SCARB1: variants seen among roughly 807,000 people sequenced by gnomAD.
The protein encoded by SCARB1 is scavenger receptor class B member 1.
Under a neutral mutation model 57.2 loss-of-function variants are expected in SCARB1, and 30 were observed. The ratio of observed to expected loss-of-function variants is 0.52; its 90% CI spans 0.39 to 0.71. SCARB1 has a LOEUF of 0.71. SCARB1 is among the 30% of genes least tolerant of loss of function. The pLI, the probability that SCARB1 is intolerant of heterozygous loss-of-function variation, is 0.00. For missense variants in SCARB1, 543 were observed against 671.2 expected (o/e 0.81, Z 2.11); for synonymous variants, 249 against 268.3 (o/e 0.93, Z 0.70).
chr12:124,853,385 G>GTT (rs1228834041), intron 1 of SCARB1, among the ~76,000 whole-genome samples: 63 of 123,814 alleles, frequency 5.1e-4, no homozygotes, highest in African/African-American at 1.9e-3. Flanking sequence ...AGTTTGCATA[G>GTT]TTTTGTTTTT....
chr12:124,782,468 T>C (rs962328834), intron 12 of SCARB1, among the ~76,000 whole-genome samples: 8 of 152,188 alleles, frequency 5.3e-5, no homozygotes, highest in African/African-American at 1.2e-4. Context: ...GAATACAAGT[T>C]GCCCTCTGGG....
At chr12:124,857,882 A>G (rs1407839437) in intron 1 of SCARB1, among the ~76,000 whole-genome samples, 2 of 152,230 alleles carry the variant, frequency 1.3e-5, no homozygotes, top group Non-Finnish European at 2.9e-5. Flanking sequence ...CATGAGGCCT[A>G]TCATTGAAGA....
intron 1 of SCARB1, among the ~76,000 whole-genome samples, chr12:124,833,000 C>T (rs947305161): frequency 8.6e-5 from 13 of 151,886 alleles, no homozygotes; most frequent in Admixed American, 8.5e-4. Context: ...CAGGGGGAAT[C>T]CATTGCCTTC....
At chr12:124,794,879 A>G (rs760133076) in intron 9 of SCARB1, among the ~76,000 whole-genome samples, 36 of 152,190 alleles carry the variant, frequency 2.4e-4, no homozygotes, top group Admixed American at 5.2e-4. Context: ...GTGGTGAGCC[A>G]ATATCCCGCC....
chr12:124,814,330 C>T lies in SCARB1; in HGVS notation c.502G>A (p.Glu168Lys), dbSNP rs200594238. Residue 168 changes from glutamate (E) to lysine (K), a missense_variant, in exon 4 of 13, where the codon GAA becomes AAA. Coordinates refer to ENST00000261693, the MANE Select transcript of SCARB1 (RefSeq NM_005505.5). This position sits in a 1 kb window ranked among gnomAD's most constrained non-coding sequence, Gnocchi z 4.7. The stretch of plus-strand genomic sequence containing the variant: ...ACAGTGCGGTTCATGAAGGCACGTT[C>T]GCCGAGGGTGGTGAATGCCAAGGTC... ...IMTLAFTTLG[E>K]RAFMNRTVGE... The T allele has an allele frequency of 8.7e-6, 14 of 1,614,170 alleles. No individual in the cohort carries two copies. Among genetic ancestry groups the T allele is most frequent in the Middle Eastern group, 1.7e-4 (1 of 6,046 alleles).
intron 1 of SCARB1, among the ~76,000 whole-genome samples, chr12:124,826,112 C>A (rs1441475312): frequency 6.6e-6 from 1 of 151,894 alleles, no homozygotes; most frequent in Non-Finnish European, 1.5e-5. Flanking sequence ...GTGGGAGGAT[C>A]GCTTGAGGTC....
intron 1 of SCARB1, among the ~76,000 whole-genome samples, chr12:124,842,537 A>G (rs1951946640): frequency 6.6e-6 from 1 of 152,224 alleles, no homozygotes; most frequent in African/African-American, 2.4e-5. Context: ...ACAGATGCCC[A>G]GGCCTGCTGG....
chr12:124,841,245 G>A (rs1037250388), intron 1 of SCARB1, among the ~76,000 whole-genome samples: 16 of 152,076 alleles, frequency 1.1e-4, no homozygotes, highest in Admixed American at 5.9e-4. Context: ...GGTGGCGGGC[G>A]CCTGTAGTCC....
chr12:124,787,468 G>A lies in SCARB1; in HGVS notation c.1203-11C>T, dbSNP rs2135545398. Reference sequence around the variant, plus strand: ...ATCTTCCCAGTTTGTCTGGAAATAAGCAAGACATAGCTGTGTGAAACAAAG... The same window carrying A: ...ATCTTCCCAGTTTGTCTGGAAATAAACAAGACATAGCTGTGTGAAACAAAG... On this transcript the variant is annotated splice_polypyrimidine_tract_variant and intron_variant, in intron 9 of 12. Transcript: ENST00000261693. 1 of 1,612,118 alleles carries A rather than the reference G, an allele frequency of 6.2e-7. No individual in the cohort carries two copies. Among genetic ancestry groups the A allele is most frequent in the East Asian group, 2.2e-5 (1 of 44,876 alleles).
chr12:124,846,133 C>G (rs1008303321), intron 1 of SCARB1, among the ~76,000 whole-genome samples: 2 of 152,122 alleles, frequency 1.3e-5, no homozygotes, highest in African/African-American at 2.4e-5. Context: ...GGCAATTCTA[C>G]TTGGGAGGGA....
rs1230328575 is a variant in SCARB1, at chr12:124,842,565, T to C, written c.126+21030A>G. 2.6e-5 allele frequency among the ~76,000 whole-genome samples: 4 copies of C among 152,140 alleles called. No individual in the cohort carries two copies. The East Asian group carries it at 5.8e-4, about 22-fold the overall frequency. On this transcript the variant is annotated intron_variant, in intron 1 of 12. Coordinates refer to ENST00000261693, the MANE Select transcript of SCARB1 (RefSeq NM_005505.5). The stretch of plus-strand genomic sequence containing the variant: ...CCTGCTGGCAGCTTCATCACACTTA[T>C]CTGCACTCCCAAGCCACAGATTACA...
rs113004627 is a variant in SCARB1, at chr12:124,807,638, G to A, written c.1009+123C>T. The A allele has an allele frequency of 1.2e-3, 1,064 of 921,972 alleles. 10 individuals carry two copies. The African/African-American group carries it at 0.016, about 13-fold the overall frequency. 57.1% of individuals were successfully genotyped at this position (921,972 alleles called of 1,614,324 possible). ...ATCTTCCTGCGGCCTCATTATCTTC[G>A]CCTAATGGGATTATCAAGAGTACAG... On this transcript the variant is annotated intron_variant, in intron 7 of 12. Coordinates refer to ENST00000261693, the MANE Select transcript of SCARB1 (RefSeq NM_005505.5). The surrounding 1 kb of genome is among the most constrained non-coding windows in gnomAD (Gnocchi z 5.3).
chr12:124,859,584 C>T (rs2135863165), intron 1 of SCARB1, among the ~76,000 whole-genome samples: 1 of 152,218 alleles, frequency 6.6e-6, no homozygotes, highest in East Asian at 1.9e-4. Context: ...TTCCTTTGGC[C>T]ACACCCCCAG....
At chr12:124,791,839 C>T (rs1336070985) in intron 9 of SCARB1, among the ~76,000 whole-genome samples, 2 of 152,022 alleles carry the variant, frequency 1.3e-5, no homozygotes, top group Non-Finnish European at 2.9e-5. Context: ...ACCTGTAATC[C>T]CAGCTACGCG....
chr12:124,817,790 G>T lies in SCARB1; in HGVS notation c.127-83C>A. 6.7e-7 allele frequency: 1 copy of T among 1,495,470 alleles called. No homozygotes were observed. The highest frequency in any genetic ancestry group is 9.3e-7 in the Non-Finnish European group (1 of 1,073,066). 92.6% of individuals were successfully genotyped at this position (1,495,470 alleles called of 1,614,324 possible). On this transcript the variant is annotated intron_variant, in intron 1 of 12. Coordinates refer to ENST00000261693, the MANE Select transcript of SCARB1 (RefSeq NM_005505.5). The surrounding 1 kb of genome is among the most constrained non-coding windows in gnomAD (Gnocchi z 4.8). ...CCACAAGGCTCCGGAACAGCTGCCC[G>T]AGCCCGGCCAGGGAAGGGGCTCCTC...
chr12:124,825,715 C>G (rs1451588511), intron 1 of SCARB1, among the ~76,000 whole-genome samples: 1 of 152,160 alleles, frequency 6.6e-6, no homozygotes, highest in African/African-American at 2.4e-5. Flanking sequence ...CAAAGATAAG[C>G]TGGGCTTCTG....
rs752706452 is a variant in SCARB1, at chr12:124,789,183, A to G, written c.1203-1726T>C. Among the ~76,000 whole-genome samples the G allele has an allele frequency of 1.3e-4, 20 of 152,236 alleles. No individual in the cohort carries two copies. Among genetic ancestry groups the G allele is most frequent in the Non-Finnish European group, 2.2e-4 (15 of 68,044 alleles). ...TATCAAGGTCGACATCAACAGTGAT[A>G]CAGTATGTTGACGGAATGTACCCAA... On this transcript the variant is annotated intron_variant, in intron 9 of 12. Transcript: ENST00000261693. The surrounding 1 kb of genome is among the most constrained non-coding windows in gnomAD (Gnocchi z 4.4).
At chr12:124,797,773 C>T (rs752294310) in intron 8 of SCARB1, among the ~76,000 whole-genome samples, 2 of 152,150 alleles carry the variant, frequency 1.3e-5, no homozygotes, top group Non-Finnish European at 1.5e-5. Context: ...GGGCTGGGGC[C>T]GGGGCCGAGA....
chr12:124,832,326 C>G (rs528661357), intron 1 of SCARB1, among the ~76,000 whole-genome samples: 1 of 152,228 alleles, frequency 6.6e-6, no homozygotes, highest in South Asian at 2.1e-4. Flanking sequence ...TGGAGACTAG[C>G]CTGGCCAACA....
Sources: allele counts gnomAD v4.1 joint callset (sites outside exome capture counted in the v4.1 genomes callset), GRCh38; gene constraint gnomAD v4.1.1; non-coding constraint Gnocchi (gnomAD v3.1); transcripts MANE v1.5; gene names NCBI Gene and HGNC (gene_info 2026-07-23, HGNC 2026-07-21).